KCNK13: variants seen among roughly 807,000 people sequenced by gnomAD.
KCNK13 encodes the protein potassium channel subfamily K member 13.
In KCNK13, 12 loss-of-function variants were observed where a neutral mutation model predicts 23.4. That is an observed-to-expected ratio of 0.51 (90% confidence interval 0.33 to 0.83). KCNK13 has a LOEUF of 0.83. Ranked by LOEUF, KCNK13 falls within the 40% of genes least tolerant of loss-of-function variation. The probability of loss-of-function intolerance (pLI) is 0.02; values close to 1 mark genes in which losing one functional copy is unlikely to be tolerated. For synonymous variants in KCNK13, 231 were observed against 229.5 expected, an observed-to-expected ratio of 1.01 and a Z score of -0.06; for missense variants, 463 against 556.3, an observed-to-expected ratio of 0.83 and a Z score of 1.69.
intron 1 of KCNK13, among the ~76,000 whole-genome samples, chr14:90,151,296 A>G (rs891371197): frequency 2.6e-5 from 4 of 152,206 alleles, no homozygotes; most frequent in African/African-American, 9.6e-5. Flanking sequence ...TACCACATCA[A>G]CGACACTTAC....
intron 1 of KCNK13, among the ~76,000 whole-genome samples, chr14:90,134,452 G>A (rs752542029): frequency 2.0e-5 from 3 of 152,168 alleles, no homozygotes; most frequent in African/African-American, 7.2e-5. Flanking sequence ...TCAGAACTGA[G>A]CTGAAATTGG....
chr14:90,067,724 A>C lies in KCNK13; in HGVS notation c.334+5185A>C, dbSNP rs185878308. Among the ~76,000 whole-genome samples the C allele has an allele frequency of 3.4e-3, 521 of 152,328 alleles. 12 individuals carry two copies. Among genetic ancestry groups the C allele is most frequent in the Admixed American group, 0.027 (420 of 15,310 alleles). ...TCAGACGTGAAACAGGGATAAACTT[A>C]AAGTACTCAGAAAAGTAGAATGACA... On this transcript the variant is annotated intron_variant, in intron 1 of 1. Coordinates refer to ENST00000282146, the MANE Select transcript of KCNK13 (RefSeq NM_022054.4).
At chr14:90,160,412 T>G (rs1166498591) in intron 1 of KCNK13, among the ~76,000 whole-genome samples, 2 of 152,136 alleles carry the variant, frequency 1.3e-5, no homozygotes, top group African/African-American at 4.8e-5. Flanking sequence ...AGCTCATGGC[T>G]AAGAGTTCAT....
intron 1 of KCNK13, among the ~76,000 whole-genome samples, chr14:90,160,862 AAAAG>A (rs1401174285): frequency 3.3e-5 from 5 of 152,036 alleles, no homozygotes; most frequent in Middle Eastern, 3.4e-3. Flanking sequence ...AAAAAAAAGA[AAAAG>A]AAAGAAAGAA....
chr14:90,125,265 C>T (rs571082668), intron 1 of KCNK13, among the ~76,000 whole-genome samples: 16 of 151,504 alleles, frequency 1.1e-4, no homozygotes, highest in African/African-American at 3.6e-4. Context: ...ACTCTGTCGC[C>T]GAGGCTGGAG....
intron 1 of KCNK13, among the ~76,000 whole-genome samples, chr14:90,122,710 G>GA (rs147921417): frequency 0.027 from 4,140 of 151,604 alleles, 202 homozygotes; most frequent in African/African-American, 0.095. Flanking sequence ...CAATGAACAT[G>GA]AAAAAAAAGG....
chr14:90,175,116 A>G (rs1953222), intron 1 of KCNK13, among the ~76,000 whole-genome samples: 17,142 of 152,156 alleles, frequency 0.11, 1,524 homozygotes, highest in African/African-American at 0.25. Context: ...TTTAGTTTCT[A>G]TAGGGAACCA....
chr14:90,082,562 G>A (rs1596769541), intron 1 of KCNK13, among the ~76,000 whole-genome samples: 1 of 152,202 alleles, frequency 6.6e-6, no homozygotes, highest in East Asian at 1.9e-4. Flanking sequence ...CTTTCACTTA[G>A]CATGTTTTCA....
chr14:90,151,805 A>G (rs1179294955), intron 1 of KCNK13, among the ~76,000 whole-genome samples: 1 of 152,130 alleles, frequency 6.6e-6, no homozygotes, highest in East Asian at 1.9e-4. Context: ...ATTTTTATGT[A>G]TGGTATAAGG....
At position 90,062,212 on chromosome 14, in the gene KCNK13, G is replaced by A; in HGVS notation, c.7G>A (p.Gly3Ser). The change falls in exon 1 of 2, where the codon GGC (glycine) becomes AGC (serine). Residue 3 changes from glycine (G) to serine (S), a missense_variant. Gly to Ser is a moderately conservative substitution (Grantham distance 56, BLOSUM62 0). Transcript: ENST00000282146. The surrounding 1 kb of genome is among the most constrained non-coding windows in gnomAD (Gnocchi z 4.5). MA[G>S]RGFSWGPGHL... ...TGCCCCCGGGGGCCCGGCCATGGCT[G>A]GCCGGGGTTTCAGCTGGGGCCCGGG... is the stretch of plus-strand genomic sequence containing the variant. 1.4e-6 allele frequency: 2 copies of A among 1,439,052 alleles called. No homozygotes were observed. Among genetic ancestry groups the A allele is most frequent in the Non-Finnish European group, 1.8e-6 (2 of 1,101,594 alleles). The allele number at this position is 1,439,052 out of a possible 1,614,324, so 89.1% of individuals were successfully genotyped here. A position where few individuals can be genotyped will look rare whatever the true frequency, so the allele number is the denominator to read the frequency against.
intron 1 of KCNK13, among the ~76,000 whole-genome samples, chr14:90,165,531 A>G (rs2140440540): frequency 6.6e-6 from 1 of 152,362 alleles, no homozygotes; most frequent in South Asian, 2.1e-4. Flanking sequence ...GTTGAAGAAA[A>G]GGCACAAAGG....
At chr14:90,115,244 G>A (rs373527943) in intron 1 of KCNK13, among the ~76,000 whole-genome samples, 8 of 152,188 alleles carry the variant, frequency 5.3e-5, no homozygotes, top group African/African-American at 1.4e-4. Flanking sequence ...GAGCGACTGA[G>A]TGTGAATCTC....
chr14:90,124,837 C>T (rs183375436), intron 1 of KCNK13, among the ~76,000 whole-genome samples: 3 of 152,196 alleles, frequency 2.0e-5, no homozygotes, highest in Non-Finnish European at 4.4e-5. Flanking sequence ...TACAGCTAAA[C>T]TCTGAAAAAT....
chr14:90,109,810 G>A (rs1889593516), intron 1 of KCNK13, among the ~76,000 whole-genome samples: 1 of 151,990 alleles, frequency 6.6e-6, no homozygotes, highest in African/African-American at 2.4e-5. Flanking sequence ...CCGGGCTCAG[G>A]TGATCCTCCC....
intron 1 of KCNK13, among the ~76,000 whole-genome samples, chr14:90,109,032 C>G (rs1889580961): frequency 6.6e-6 from 1 of 152,128 alleles, no homozygotes; most frequent in Middle Eastern, 3.4e-3. Context: ...AAAATATTAG[C>G]CGGGCATGGT....
At chr14:90,149,222 G>C (rs532905868) in intron 1 of KCNK13, among the ~76,000 whole-genome samples, 1 of 152,236 alleles carries the variant, frequency 6.6e-6, no homozygotes, top group Admixed American at 6.5e-5. Flanking sequence ...CAGGCATGGT[G>C]GTGCATGCCT....
rs539319498 is a variant in KCNK13 at position 90,148,115 on chromosome 14, A to G, written c.335-35996A>G. On this transcript the variant is annotated intron_variant, in intron 1 of 1. Coordinates refer to ENST00000282146, the MANE Select transcript of KCNK13 (RefSeq NM_022054.4). ...GAGGTGCAGGTTGCAATAAGCTGAG[A>G]GCACAGCACTGCACTATGGCTTGGG... Among the ~76,000 whole-genome samples the G allele has an allele frequency of 1.1e-3, 166 of 152,300 alleles. 1 individual carries two copies. The highest frequency in any genetic ancestry group is 1.9e-3 in the Non-Finnish European group (130 of 68,032).
intron 1 of KCNK13, among the ~76,000 whole-genome samples, chr14:90,139,916 C>T (rs990390902): frequency 2.2e-4 from 33 of 151,696 alleles, no homozygotes; most frequent in African/African-American, 7.8e-4. Context: ...GACCCGAGAT[C>T]ACACCACTGC....
chr14:90,108,498 C>T (rs938106531), intron 1 of KCNK13, among the ~76,000 whole-genome samples: 7 of 152,108 alleles, frequency 4.6e-5, no homozygotes, highest in Non-Finnish European at 7.3e-5. Context: ...TGCATCTCTC[C>T]GGAGACACAA....
Sources: gnomAD v4.1 joint callset for allele counts (sites outside exome capture counted in the v4.1 genomes callset) on GRCh38, gnomAD v4.1.1 for gene constraint, Gnocchi (gnomAD v3.1) non-coding constraint, MANE v1.5 for transcripts, NCBI Gene and HGNC (gene_info 2026-07-23, HGNC 2026-07-21) for gene names.